BOP1: variants seen among roughly 807,000 people sequenced by gnomAD.
The protein encoded by BOP1 is ribosome biogenesis protein BOP1.
BOP1 carries 54 observed loss-of-function variants against 82.9 expected under a neutral mutation model. That is an observed-to-expected ratio of 0.65 (90% CI 0.52 to 0.82). BOP1 has a LOEUF of 0.82. Among genes scored for constraint, BOP1 ranks in the 40% least tolerant of loss-of-function variants. The pLI is 0.00. For missense variants in BOP1, 1,170 were observed against 1,072.0 expected (o/e 1.09, Z -1.28); for synonymous variants, 566 against 451.1 (o/e 1.25, Z -3.23).
chr8:144,268,318 C>A lies in BOP1; in HGVS notation c.391-3247G>T. On this transcript the variant is annotated intron_variant, in intron 3 of 15. Coordinates refer to ENST00000569669, the MANE Select transcript of BOP1 (RefSeq NM_015201.5). ...GACAGACGGACGTACAGACAGGCGC[C>A]GGCAGCGGGACTCTGCGCTGGCCCC... 1.0e-5 allele frequency: 9 copies of A among 890,722 alleles called. No homozygotes were observed. In the South Asian group the frequency reaches 1.4e-4, roughly 14 times the overall value. 55.2% of individuals were successfully genotyped at this position (890,722 alleles called of 1,614,324 possible). A position where few individuals can be genotyped will look rare whatever the true frequency, so the allele number is the denominator to read the frequency against.
chr8:144,280,527 T>C (rs149906454), intron 2 of BOP1, among the ~76,000 whole-genome samples: 21 of 152,370 alleles, frequency 1.4e-4, no homozygotes, highest in South Asian at 6.2e-4. Context: ...AGAGTGTGCA[T>C]TATGCTCCGG....
In BOP1 at chr8:144,263,236, G is replaced by A; in HGVS notation, c.1590C>T (p.Arg530=). 2 of 1,594,842 alleles carry A rather than the reference G, an allele frequency of 1.3e-6. No individual in the cohort carries two copies. Among genetic ancestry groups the A allele is most frequent in the Non-Finnish European group, 1.7e-6 (2 of 1,179,176 alleles). The part of the protein sequence containing the change: ...EEERQVGLRL[R]ICHGKPVTQV... The stretch of plus-strand genomic sequence containing the variant: ...CCCCACGTACCTTCCCGTGGCAGAT[G>A]CGCAGCCGCAGGCCCACTTGGCGCT... Residue 530 remains arginine (R), a synonymous_variant, in exon 12 of 16, where the codon CGC becomes CGT. Coordinates refer to ENST00000569669, the MANE Select transcript of BOP1 (RefSeq NM_015201.5).
intron 3 of BOP1, among the ~76,000 whole-genome samples, chr8:144,272,980 C>T (rs1478093068): frequency 2.0e-5 from 3 of 152,224 alleles, no homozygotes; most frequent in Non-Finnish European, 4.4e-5. Context: ...CAGTCAGCAG[C>T]CCCCTCGGAG....
chr8:144,266,898 C>A, intron 3 of BOP1: 1 of 1,527,666 alleles, frequency 6.5e-7, no homozygotes, highest in Non-Finnish European at 8.8e-7. Flanking sequence ...ACACGGCCTT[C>A]ACGGCGCTGC....
At chr8:144,289,950 G>A (rs1588612389) in intron 1 of BOP1, among the ~76,000 whole-genome samples, 1 of 152,202 alleles carries the variant, frequency 6.6e-6, no homozygotes, top group Non-Finnish European at 1.5e-5. Context: ...TCCTCTCTCT[G>A]AGCAGGACCA....
At chr8:144,270,611 G>C (rs773141479) in intron 3 of BOP1, among the ~76,000 whole-genome samples, 1 of 152,090 alleles carries the variant, frequency 6.6e-6, no homozygotes, top group Non-Finnish European at 1.5e-5. Flanking sequence ...GGAACACTCC[G>C]TCACCCTCCA....
At position 144,263,894 on chromosome 8, in the gene BOP1, C is replaced by T; in HGVS notation, c.1158G>A (p.Glu386=). Residue 386 remains glutamate, a synonymous_variant, in exon 9 of 16, where the codon GAG becomes GAA. Transcript: ENST00000569669. ...GCCGAGGCAGCTTGGGGATGAGGTC[C>T]TCAGGGTCTACATTCACCTGGGGCA... The part of the protein sequence containing the change: ...QRKMRVNVDP[E]DLIPKLPRPR... 1.2e-6 allele frequency: 2 copies of T among 1,611,740 alleles called. No individual in the cohort carries two copies. Among genetic ancestry groups the T allele is most frequent in the Non-Finnish European group, 1.7e-6 (2 of 1,179,590 alleles).
At chr8:144,288,322 A>G (rs1814939041) in intron 2 of BOP1, among the ~76,000 whole-genome samples, 2 of 149,552 alleles carry the variant, frequency 1.3e-5, no homozygotes, top group Non-Finnish European at 3.0e-5. Flanking sequence ...GAGGTCAGGA[A>G]ATCGAGACCA....
At chr8:144,286,446 G>T (rs1278497651) in intron 2 of BOP1, among the ~76,000 whole-genome samples, 1 of 125,036 alleles carries the variant, frequency 8.0e-6, no homozygotes, top group Non-Finnish European at 1.7e-5. Flanking sequence ...CACAGGACAC[G>T]CGGGCAGGTG....
At chr8:144,266,693 A>G in intron 3 of BOP1, 1 of 1,225,498 alleles carries the variant, frequency 8.2e-7, no homozygotes, top group African/African-American at 1.6e-5. Context: ...GAGGACGAGG[A>G]CCGCGGCAGC....
At chr8:144,266,873 G>T in intron 3 of BOP1, 1 of 1,481,538 alleles carries the variant, frequency 6.7e-7, no homozygotes, top group South Asian at 1.2e-5. Context: ...GAGCGAGACC[G>T]CACCAACAGC....
At position 144,264,921 on chromosome 8, in the gene BOP1, A is replaced by G; in HGVS notation, c.541T>C (p.Tyr181His). 1 of 1,610,690 alleles carries G rather than the reference A, an allele frequency of 6.2e-7. No individual in the cohort carries two copies. Among genetic ancestry groups the G allele is most frequent in the Non-Finnish European group, 8.5e-7 (1 of 1,179,450 alleles). The stretch of plus-strand genomic sequence containing the variant: ...CCCCACCCCACCAGCCCTCACCAGT[A>G]GTCAGGATCGTCCATCTTGTCCAGG... ...QFLDKMDDPD[Y>H]WRTVQDPMTG... Residue 181 changes from tyrosine to histidine, a missense_variant, in exon 4 of 16, where the codon TAC (tyrosine) becomes CAC (histidine). By Grantham distance (83) the Tyr-to-His change is moderately conservative (BLOSUM62 2). Coordinates refer to ENST00000569669, the MANE Select transcript of BOP1 (RefSeq NM_015201.5).
chr8:144,282,410 C>T (rs1588605545), intron 2 of BOP1, among the ~76,000 whole-genome samples: 2 of 152,304 alleles, frequency 1.3e-5, no homozygotes, highest in Middle Eastern at 3.4e-3. Flanking sequence ...AGAGGCAGGA[C>T]TGCCAGGCCC....
chr8:144,267,313 G>A, intron 3 of BOP1: 1 of 1,118,318 alleles, frequency 8.9e-7, no homozygotes, highest in South Asian at 2.5e-5. Context: ...TGTAACACAG[G>A]CCTGCCGGGG....
Position 144,263,142 on chromosome 8 carries a change from C to A in BOP1, c.1606-1G>T. 2 of 1,593,788 alleles carry A rather than the reference C, an allele frequency of 1.3e-6. No individual in the cohort carries two copies. Among genetic ancestry groups the A allele is most frequent in the Non-Finnish European group, 8.5e-7 (1 of 1,178,836 alleles). Reference sequence around the variant, plus strand: ...CGTGCCAGGTCACCTGCGTCACTGGCTGCAGGAGAGCAAGGCTGGCTGAGT... The same window carrying A: ...CGTGCCAGGTCACCTGCGTCACTGGATGCAGGAGAGCAAGGCTGGCTGAGT... On this transcript the variant is annotated splice_acceptor_variant, in intron 12 of 15. Coordinates refer to ENST00000569669, the MANE Select transcript of BOP1 (RefSeq NM_015201.5). LOFTEE classifies it high-confidence loss of function.
At chr8:144,279,381 G>C (rs1012475906) in intron 2 of BOP1, among the ~76,000 whole-genome samples, 15 of 36,268 alleles carry the variant, frequency 4.1e-4, no homozygotes, top group Non-Finnish European at 7.3e-4. Flanking sequence ...CACGGGCCAA[G>C]ACCACCATGG....
intron 2 of BOP1, 152 bp from the exon 3 acceptor site, chr8:144,276,456 G>A: frequency 1.1e-6 from 1 of 886,102 alleles, no homozygotes. Flanking sequence ...CAGCTCTAAG[G>A]GGGCCTCTGG....
chr8:144,288,601 A>C (rs1369144956), intron 2 of BOP1, among the ~76,000 whole-genome samples: 2 of 152,182 alleles, frequency 1.3e-5, no homozygotes, highest in Non-Finnish European at 2.9e-5. Flanking sequence ...TGTTGTTCTC[A>C]ATAAGAGTAG....
chr8:144,263,794 G>A, intron 9 of BOP1, 33 bp from the exon 10 acceptor site: 3 of 1,605,876 alleles, frequency 1.9e-6, no homozygotes, highest in Non-Finnish European at 1.7e-6. Context: ...GAGTCAGACT[G>A]GGAGGGTGCA....
Sources: allele counts gnomAD v4.1 joint callset (sites outside exome capture counted in the v4.1 genomes callset), GRCh38; gene constraint gnomAD v4.1.1; transcripts MANE v1.5; gene names NCBI Gene and HGNC (gene_info 2026-07-23, HGNC 2026-07-21).